PXMP2: variants seen among roughly 807,000 people sequenced by gnomAD.
The protein encoded by PXMP2 is 22 kDa peroxisomal membrane protein.
A neutral mutation model predicts 20.2 loss-of-function variants in PXMP2; 13 were observed. The ratio of observed to expected loss-of-function variants is 0.64; its 90% CI spans 0.42 to 1.02. The LOEUF is 1.02. PXMP2 is among the 50% of genes least tolerant of loss of function. The pLI is 0.00. For synonymous variants in PXMP2, 113 were observed against 111.2 expected (o/e 1.02, Z -0.10); for missense variants, 284 against 251.8 (o/e 1.13, Z -0.87).
chr12:132,702,263 A>G (rs976805078), intron 4 of PXMP2, among the ~76,000 whole-genome samples: 1 of 152,190 alleles, frequency 6.6e-6, no homozygotes, highest in Non-Finnish European at 1.5e-5. Context: ...GGGCCCATCC[A>G]GGTGCAGAGT....
At chr12:132,691,168 C>T (rs1406198347) in intron 2 of PXMP2, among the ~76,000 whole-genome samples, 1 of 151,664 alleles carries the variant, frequency 6.6e-6, no homozygotes, top group Non-Finnish European at 1.5e-5. Context: ...TCTCCCGACT[C>T]AGTCTCCCGA....
intron 3 of PXMP2, 68 bp from the exon 4 acceptor site, chr12:132,701,182 C>T (rs1256507919): frequency 3.1e-6 from 5 of 1,598,216 alleles, no homozygotes; most frequent in Non-Finnish European, 4.3e-6. Flanking sequence ...ACGATAGGGT[C>T]TGGGTGCCCG....
chr12:132,687,809 G>A lies in PXMP2; in HGVS notation c.122+17G>A. ...GGCCACCAGGTGAGCGGGGGCGCGGGAATCGGACGCCGCCCCGGCCCCAGG... is the reference window on the plus strand; with the variant it reads ...GGCCACCAGGTGAGCGGGGGCGCGGAAATCGGACGCCGCCCCGGCCCCAGG... On this transcript the variant is annotated intron_variant, in intron 1 of 4. Coordinates refer to ENST00000317479, the MANE Select transcript of PXMP2 (RefSeq NM_018663.3). The A allele has an allele frequency of 8.7e-7, 1 of 1,144,138 alleles. No homozygotes were observed. Among genetic ancestry groups the A allele is most frequent in the Non-Finnish European group, 1.1e-6 (1 of 932,354 alleles). The allele number at this position is 1,144,138 out of a possible 1,614,324, so 70.9% of individuals were successfully genotyped here. A position where few individuals can be genotyped will look rare whatever the true frequency, so the allele number is the denominator to read the frequency against.
At chr12:132,699,958 G>C (rs1172436621) in intron 3 of PXMP2, among the ~76,000 whole-genome samples, 1 of 151,958 alleles carries the variant, frequency 6.6e-6, no homozygotes, top group Non-Finnish European at 1.5e-5. Flanking sequence ...TTTCCAGAAG[G>C]GCTGTACTAA....
At chr12:132,700,042 C>CTT (rs147672956) in intron 3 of PXMP2, among the ~76,000 whole-genome samples, 2 of 144,128 alleles carry the variant, frequency 1.4e-5, no homozygotes, top group South Asian at 2.2e-4. Context: ...GTTTTTTGAC[C>CTT]TTTTTTTTTT....
intron 1 of PXMP2, 101 bp downstream of exon 1, chr12:132,687,893 G>A: frequency 9.6e-7 from 1 of 1,045,654 alleles, no homozygotes; most frequent in East Asian, 6.0e-5. Context: ...GGCTGGGGGC[G>A]CGCCCGGGTC....
In PXMP2 at chr12:132,691,051, A is replaced by AT. The variant is rs35869908; in HGVS notation, c.236+693dup. ...CCAGTTAGTTTCTATTGTTATTTTA[A>AT]TTTTTTTTTTTTTTTTTTGAGACGG... On this transcript the variant is annotated intron_variant, in intron 2 of 4. Transcript: ENST00000317479. Among the ~76,000 whole-genome samples, 322 of 133,758 alleles carry AT rather than the reference A, an allele frequency of 2.4e-3. 2 individuals are homozygous for AT. The highest frequency in any genetic ancestry group is 8.6e-3 in the East Asian group (41 of 4,778). 87.8% of individuals were successfully genotyped at this position (133,758 alleles called of 152,430 possible). A position where few individuals can be genotyped will look rare whatever the true frequency, so the allele number is the denominator to read the frequency against.
At position 132,701,376 on chromosome 12, in the gene PXMP2, G is replaced by A. The variant is rs776298291; in HGVS notation, c.519+7G>A. On this transcript the variant is annotated splice_region_variant and intron_variant, in intron 4 of 4. Transcript: ENST00000317479. The stretch of plus-strand genomic sequence containing the variant: ...CAACTACGTCCCTCTGAAGGTGAGG[G>A]CCACGGGGCTCAGCCTCTGCTAACA... 1.1e-5 allele frequency: 18 copies of A among 1,611,486 alleles called. No individual in the cohort carries two copies. The East Asian group carries it at 3.4e-4, about 30-fold the overall frequency.
chr12:132,702,914 AAC>A (rs1293912307), intron 4 of PXMP2, among the ~76,000 whole-genome samples: 1 of 152,174 alleles, frequency 6.6e-6, no homozygotes, highest in Non-Finnish European at 1.5e-5. Flanking sequence ...ACACACCACA[AAC>A]ACACCAAGAA....
rs1565991671 is a variant in PXMP2 at position 132,695,038 on chromosome 12, AGCCAGTTAGTTAGTGAGTGCCCTT to A, written c.237-828_237-805del. Among the ~76,000 whole-genome samples the A allele has an allele frequency of 3.0e-4, 39 of 129,556 alleles. No individual in the cohort carries two copies. The East Asian group carries it at 4.2e-3, about 14-fold the overall frequency. The allele number at this position is 129,556 out of a possible 152,430, so 85.0% of individuals were successfully genotyped here. The stretch of plus-strand genomic sequence containing the variant: ...AGCCAGTTAGTTAGTGAGCTCCCTT[AGCCAGTTAGTTAGTGAGTGCCCTT>A]GCCAGTTAGTTAGTGAGCTCCCTTA... On this transcript the variant is annotated intron_variant, in intron 2 of 4. Transcript: ENST00000317479.
intron 2 of PXMP2, among the ~76,000 whole-genome samples, chr12:132,694,576 C>A (rs1399402847): frequency 4.0e-5 from 4 of 99,914 alleles, no homozygotes; most frequent in Non-Finnish European, 6.2e-5. Context: ...AGCGCCCTTG[C>A]CAGTTAGTTA....
intron 4 of PXMP2, 41 bp downstream of exon 4, chr12:132,701,410 T>G (rs1565993611): frequency 6.2e-7 from 1 of 1,605,582 alleles, no homozygotes; most frequent in Non-Finnish European, 8.5e-7. Context: ...CATTACTTTG[T>G]CAGCCTTTTC....
At chr12:132,694,854 G>A (rs1398632706) in intron 2 of PXMP2, among the ~76,000 whole-genome samples, 1 of 145,498 alleles carries the variant, frequency 6.9e-6, no homozygotes, top group Non-Finnish European at 1.5e-5. Flanking sequence ...TAGCCAGTTA[G>A]TGAGCTCCCT....
intron 3 of PXMP2, among the ~76,000 whole-genome samples, chr12:132,697,799 AC>A (rs2043418545): frequency 6.6e-6 from 1 of 152,018 alleles, no homozygotes; most frequent in Non-Finnish European, 1.5e-5. Context: ...GAAGTTTGAG[AC>A]CCCTACTGAT....
intron 4 of PXMP2, among the ~76,000 whole-genome samples, chr12:132,702,843 GGAAA>G (rs892528042): frequency 4.6e-5 from 7 of 152,312 alleles, no homozygotes; most frequent in Admixed American, 4.6e-4. Flanking sequence ...CCAGGAGGGA[GGAAA>G]GGACCAGGGT....
Position 132,695,685 on chromosome 12 carries a change from C to T in PXMP2, c.237-199C>T, listed in dbSNP as rs148477986. Among the ~76,000 whole-genome samples the T allele has an allele frequency of 1.7e-3, 256 of 152,314 alleles. 1 individual carries two copies. Among genetic ancestry groups the T allele is most frequent in the African/African-American group, 5.9e-3 (246 of 41,568 alleles). On this transcript the variant is annotated intron_variant, in intron 2 of 4. Coordinates refer to ENST00000317479, the MANE Select transcript of PXMP2 (RefSeq NM_018663.3). ...GGACGCGCTGGGAGCAGAGAGTCAA[C>T]GGCAGGAGCAAGTCTGGTCTGTTAG...
chr12:132,687,617 C>T lies in PXMP2; in HGVS notation c.-54C>T, dbSNP rs1480126468. The T allele has an allele frequency of 9.5e-6, 11 of 1,161,194 alleles. No individual in the cohort carries two copies. The highest frequency in any genetic ancestry group is 1.1e-5 in the Non-Finnish European group (10 of 943,100). The allele number at this position is 1,161,194 out of a possible 1,614,324, so 71.9% of individuals were successfully genotyped here. On this transcript the variant is annotated 5_prime_UTR_variant, in exon 1 of 5. Transcript: ENST00000317479. Reference sequence around the variant, plus strand: ...GCTCTCGGCGCCTCGGGCTCCGCGCCCGGCCAGCCTGAGGTGGGGTCGGTG... The same window carrying T: ...GCTCTCGGCGCCTCGGGCTCCGCGCTCGGCCAGCCTGAGGTGGGGTCGGTG...
chr12:132,698,201 G>A lies in PXMP2; in HGVS notation c.399+2155G>A, dbSNP rs145049118. Among the ~76,000 whole-genome samples, 786 of 152,028 alleles carry A rather than the reference G, an allele frequency of 5.2e-3. 7 individuals carry two copies. The highest frequency in any genetic ancestry group is 0.012 in the South Asian group (58 of 4,812). ...ATTGTTTTGTGTTTTTAGTAGAGAC[G>A]GGGTTTCACCATCTTGGCCAGGTTG... is the stretch of plus-strand genomic sequence containing the variant. On this transcript the variant is annotated intron_variant, in intron 3 of 4. Transcript: ENST00000317479.
chr12:132,698,143 G>A (rs1471451695), intron 3 of PXMP2, among the ~76,000 whole-genome samples: 1 of 151,766 alleles, frequency 6.6e-6, no homozygotes, highest in Non-Finnish European at 1.5e-5. Context: ...CCAAATAGCT[G>A]GGATTGCAGG....
Sources: gnomAD v4.1 joint callset for allele counts (sites outside exome capture counted in the v4.1 genomes callset) on GRCh38, gnomAD v4.1.1 for gene constraint, MANE v1.5 for transcripts, NCBI Gene and HGNC (gene_info 2026-07-23, HGNC 2026-07-21) for gene names.